The following SEPTIN11 variants were observed in gnomAD, a reference collection of about 807,000 sequenced individuals.
SEPTIN11 encodes septin-11.
Under a neutral mutation model 51.4 loss-of-function variants are expected in SEPTIN11, and 25 were observed. The ratio of observed to expected loss-of-function variants is 0.49; its 90% CI spans 0.35 to 0.68. The LOEUF (loss-of-function observed/expected upper bound fraction) is 0.68. SEPTIN11 is among the 30% of genes least tolerant of loss of function. SEPTIN11 has a pLI of 0.00. For missense variants in SEPTIN11, 381 were observed against 520.8 expected (o/e 0.73, Z 2.61); for synonymous variants, 174 against 184.1 (o/e 0.95, Z 0.44).
chr4:76,977,527 T>C (rs1722557891), intron 1 of SEPTIN11, among the ~76,000 whole-genome samples: 1 of 152,208 alleles, frequency 6.6e-6, no homozygotes, highest in Admixed American at 6.5e-5. Context: ...ATATTAGTTT[T>C]CCTGAGAGTA....
chr4:77,010,176 C>T (rs1724762912), intron 3 of SEPTIN11, among the ~76,000 whole-genome samples: 1 of 152,050 alleles, frequency 6.6e-6, no homozygotes, highest in African/African-American at 2.4e-5. Flanking sequence ...ATTTTTGTCT[C>T]TGATTTACCT....
At chr4:76,969,294 G>T (rs1020482565) in intron 1 of SEPTIN11, among the ~76,000 whole-genome samples, 11 of 152,260 alleles carry the variant, frequency 7.2e-5, no homozygotes, top group Admixed American at 3.9e-4. Context: ...TGATTTGGGA[G>T]ACAGGGTGAA....
At chr4:76,987,944 C>A in intron 1 of SEPTIN11, 1 of 392,502 alleles carries the variant, frequency 2.5e-6, no homozygotes, top group Non-Finnish European at 3.5e-6. Flanking sequence ...GTGTACTGTA[C>A]ATGTCTCCTC....
chr4:76,994,624 G>A (rs12648223), intron 1 of SEPTIN11, among the ~76,000 whole-genome samples: 79,404 of 152,048 alleles, frequency 0.52, 21,655 homozygotes, highest in Middle Eastern at 0.62. Flanking sequence ...ATGGTATTCA[G>A]GCAGTGTGGT....
intron 6 of SEPTIN11, among the ~76,000 whole-genome samples, chr4:77,019,859 C>T (rs1725573588): frequency 2.6e-5 from 4 of 152,174 alleles, no homozygotes; most frequent in Admixed American, 2.0e-4. Context: ...AAGTTCTTCG[C>T]TGGTTTAAGA....
chr4:76,990,767 A>C (rs1723335201), intron 1 of SEPTIN11, among the ~76,000 whole-genome samples: 1 of 152,246 alleles, frequency 6.6e-6, no homozygotes, highest in Non-Finnish European at 1.5e-5. Context: ...ACACAAGAAC[A>C]AAATCACCTA....
chr4:76,957,587 G>C (rs982418811), intron 1 of SEPTIN11, among the ~76,000 whole-genome samples: 3 of 152,132 alleles, frequency 2.0e-5, no homozygotes, highest in East Asian at 1.9e-4. Context: ...TTGGTTATCT[G>C]AGGAAAATGG....
At chr4:77,023,000 T>C (rs1217036373) in intron 7 of SEPTIN11, among the ~76,000 whole-genome samples, 1 of 152,112 alleles carries the variant, frequency 6.6e-6, no homozygotes, top group Non-Finnish European at 1.5e-5. Context: ...TGGCCAGCAT[T>C]TTAATTAAGG....
intron 1 of SEPTIN11, chr4:76,958,800 TAAAA>T: frequency 9.3e-7 from 1 of 1,080,488 alleles, no homozygotes; most frequent in African/African-American, 1.6e-5. Flanking sequence ...TTTTGTAAAT[TAAAA>T]AAAAATAAGT....
chr4:76,997,061 C>A (rs145214773), intron 2 of SEPTIN11, among the ~76,000 whole-genome samples: 1 of 151,910 alleles, frequency 6.6e-6, no homozygotes, highest in African/African-American at 2.4e-5. Context: ...ATGCCATATC[C>A]TTTTTGGACT....
At chr4:76,956,961 G>GTTGTGTGTGTGTGTGT in intron 1 of SEPTIN11, among the ~76,000 whole-genome samples, 1 of 39,434 alleles carries the variant, frequency 2.5e-5, no homozygotes, top group Non-Finnish European at 4.8e-5. Flanking sequence ...ATAGTAGAAT[G>GTTGTGTGTGTGTGTGT]ATGTGTGTGT....
chr4:77,029,879 C>A lies in SEPTIN11; in HGVS notation c.1087-904C>A, dbSNP rs1726481837. Among the ~76,000 whole-genome samples the A allele has an allele frequency of 2.6e-5, 4 of 151,670 alleles. 1 individual carries two copies. The South Asian group carries it at 8.3e-4, about 32-fold the overall frequency. ...ATATATGTAGTCATTGTATATATTT[C>A]TAAGTAAATGTTTTTTATACATTTC... On this transcript the variant is annotated intron_variant, in intron 8 of 9. Coordinates refer to ENST00000264893, the MANE Select transcript of SEPTIN11 (RefSeq NM_018243.4).
At position 77,036,116 on chromosome 4, in the gene SEPTIN11, A is replaced by G. The variant is rs867375243; in HGVS notation, c.*1604A>G. Reference sequence around the variant, plus strand: ...CAACCATACTTAGAGGAAAGAAGGAATGGTCTTCCATGAACTGATTATGCT... The same window carrying G: ...CAACCATACTTAGAGGAAAGAAGGAGTGGTCTTCCATGAACTGATTATGCT... On this transcript the variant is annotated 3_prime_UTR_variant, in exon 10 of 10. Transcript: ENST00000264893. The G allele has an allele frequency of 2.0e-6, 2 of 985,810 alleles. No individual in the cohort carries two copies. The highest frequency in any genetic ancestry group is 1.7e-5 in the African/African-American group (1 of 57,228). The allele number at this position is 985,810 out of a possible 1,614,324, so 61.1% of individuals were successfully genotyped here.
chr4:76,997,609 A>G (rs1723812955), intron 2 of SEPTIN11, among the ~76,000 whole-genome samples: 1 of 152,174 alleles, frequency 6.6e-6, no homozygotes, highest in Admixed American at 6.5e-5. Flanking sequence ...TAAGCACTGG[A>G]TAAGAGAAAG....
intron 1 of SEPTIN11, among the ~76,000 whole-genome samples, chr4:76,980,492 C>T (rs936260415): frequency 3.3e-5 from 5 of 152,156 alleles, no homozygotes; most frequent in Admixed American, 3.3e-4. Flanking sequence ...GCAGCTGCCA[C>T]ATTGCGCTAA....
intron 1 of SEPTIN11, among the ~76,000 whole-genome samples, chr4:76,995,275 G>A (rs1723623854): frequency 6.6e-6 from 1 of 151,592 alleles, no homozygotes; most frequent in Non-Finnish European, 1.5e-5. Context: ...CCAGCTACTC[G>A]GGAGGCTGAG....
At chr4:76,979,758 G>A (rs115296938) in intron 1 of SEPTIN11, among the ~76,000 whole-genome samples, 6,116 of 151,736 alleles carry the variant, frequency 0.04, 180 homozygotes, top group Non-Finnish European at 0.062. Flanking sequence ...GCTGGTGGGC[G>A]CCTGTAATCC....
At chr4:76,999,504 G>A (rs570972124) in intron 2 of SEPTIN11, among the ~76,000 whole-genome samples, 48 of 152,174 alleles carry the variant, frequency 3.2e-4, no homozygotes, top group African/African-American at 9.4e-4. Flanking sequence ...TATTTATAGC[G>A]TGAATTTACA....
At chr4:77,022,922 C>A (rs1293483798) in intron 7 of SEPTIN11, among the ~76,000 whole-genome samples, 3 of 149,692 alleles carry the variant, frequency 2.0e-5, no homozygotes, top group Non-Finnish European at 4.4e-5. Context: ...TCCTTAGGAT[C>A]CCTGGGAGCC....
Sources: allele counts gnomAD v4.1 joint callset (sites outside exome capture counted in the v4.1 genomes callset), GRCh38; gene constraint gnomAD v4.1.1; transcripts MANE v1.5; gene names NCBI Gene and HGNC (gene_info 2026-07-23, HGNC 2026-07-21).